The following IPCEF1 variants were observed in gnomAD, a reference collection of about 807,000 sequenced individuals.
IPCEF1 encodes interactor protein for cytohesin exchange factors 1.
In IPCEF1, 31 loss-of-function variants were observed where a neutral mutation model predicts 50.9. That is an observed-to-expected ratio of 0.61 (90% CI 0.46 to 0.82). The LOEUF (loss-of-function observed/expected upper bound fraction) is 0.82, where lower values mean the gene tolerates loss of function less well. Among genes scored for constraint, IPCEF1 ranks in the 40% least tolerant of loss-of-function variants. The pLI, the probability that IPCEF1 is intolerant of heterozygous loss-of-function variation, is 0.00. For missense variants in IPCEF1, 458 were observed against 514.0 expected (o/e 0.89, Z 1.05); for synonymous variants, 181 against 192.0 (o/e 0.94, Z 0.47).
chr6:154,325,326 T>C (rs903778064), intron 1 of IPCEF1, among the ~76,000 whole-genome samples: 5 of 152,208 alleles, frequency 3.3e-5, no homozygotes, highest in Non-Finnish European at 7.3e-5. Context: ...TATATGTACA[T>C]ATCTGTATAT....
At chr6:154,344,845 A>G (rs1274155366) in intron 1 of IPCEF1, among the ~76,000 whole-genome samples, 1 of 151,920 alleles carries the variant, frequency 6.6e-6, no homozygotes, top group Non-Finnish European at 1.5e-5. Context: ...TATTCTCTAC[A>G]CTGTTTACCA....
intron 7 of IPCEF1, among the ~76,000 whole-genome samples, chr6:154,218,370 T>C (rs1295025204): frequency 6.6e-6 from 1 of 152,222 alleles, no homozygotes; most frequent in Non-Finnish European, 1.5e-5. Flanking sequence ...TACTTTTAAA[T>C]TGAGACTCAC....
At chr6:154,208,179 C>T (rs568470006) in intron 9 of IPCEF1, among the ~76,000 whole-genome samples, 68 of 150,860 alleles carry the variant, frequency 4.5e-4, no homozygotes, top group Admixed American at 1.4e-3. Flanking sequence ...ATGCCCTCCA[C>T]GATATGGCTA....
intron 1 of IPCEF1, among the ~76,000 whole-genome samples, chr6:154,302,532 T>C (rs1020420385): frequency 1.3e-5 from 2 of 152,160 alleles, no homozygotes; most frequent in African/African-American, 4.8e-5. Flanking sequence ...TGGAGTGCAG[T>C]GGCATGAGCT....
At chr6:154,215,780 C>G (rs1778346185) in intron 7 of IPCEF1, among the ~76,000 whole-genome samples, 2 of 151,962 alleles carry the variant, frequency 1.3e-5, no homozygotes, top group African/African-American at 4.8e-5. Context: ...AACAGGAACC[C>G]AAAAATGTAT....
At chr6:154,349,183 CTTA>C (rs149749046) in intron 1 of IPCEF1, among the ~76,000 whole-genome samples, 242 of 147,564 alleles carry the variant, frequency 1.6e-3, no homozygotes, top group African/African-American at 5.2e-3. Flanking sequence ...ATTATTTTAT[CTTA>C]TTATTATTAT....
rs188129514 is a variant in IPCEF1, at chr6:154,156,734, A to G, written c.*3094T>C. On this transcript the variant is annotated 3_prime_UTR_variant, in exon 12 of 12. Transcript: ENST00000367220. ...CTGAGATTTGAGCTGTTGTGGCAAAACTAAGAATTCTTTAAAGCAAAAGAC... is the reference window on the plus strand; with the variant it reads ...CTGAGATTTGAGCTGTTGTGGCAAAGCTAAGAATTCTTTAAAGCAAAAGAC... 4 of 152,254 alleles carry G rather than the reference A, an allele frequency of 2.6e-5. No individual in the cohort carries two copies. The highest frequency in any genetic ancestry group is 2.0e-4 in the Admixed American group (3 of 15,286). 9.4% of individuals were successfully genotyped at this position (152,254 alleles called of 1,614,324 possible).
chr6:154,174,725 A>T (rs1277933970), intron 10 of IPCEF1, among the ~76,000 whole-genome samples: 1 of 152,190 alleles, frequency 6.6e-6, no homozygotes, highest in Non-Finnish European at 1.5e-5. Flanking sequence ...TAATAATGGG[A>T]GACTTTAACA....
intron 1 of IPCEF1, among the ~76,000 whole-genome samples, chr6:154,293,834 T>C (rs1032651268): frequency 6.6e-6 from 1 of 152,242 alleles, no homozygotes. Context: ...CTGATGATTG[T>C]GCTTAAATAT....
At position 154,274,907 on chromosome 6, in the gene IPCEF1, C is replaced by T. The variant is rs758826916; in HGVS notation, c.-17-8943G>A. Among the ~76,000 whole-genome samples the T allele has an allele frequency of 2.8e-4, 42 of 152,282 alleles. 1 individual carries two copies. The highest frequency in any genetic ancestry group is 3.9e-4 in the East Asian group (2 of 5,190). ...TTTCTACAGAGTTGGGTTTGTTCTG[C>T]GGTTGTCTTAAGTTCCATGACACCT... is the stretch of plus-strand genomic sequence containing the variant. On this transcript the variant is annotated intron_variant, in intron 2 of 11. Coordinates refer to ENST00000367220, the MANE Select transcript of IPCEF1 (RefSeq NM_001130700.2).
chr6:154,213,861 T>C (rs1407364157), intron 8 of IPCEF1, among the ~76,000 whole-genome samples: 1 of 152,042 alleles, frequency 6.6e-6, no homozygotes, highest in East Asian at 1.9e-4. Context: ...AGGGAGGAAA[T>C]AGTGGGATGA....
chr6:154,201,069 C>T (rs1191828419), intron 9 of IPCEF1, among the ~76,000 whole-genome samples: 1 of 152,170 alleles, frequency 6.6e-6, no homozygotes, highest in Non-Finnish European at 1.5e-5. Context: ...CTCACTCTTT[C>T]TGCTGCCACC....
chr6:154,207,004 T>C (rs1046320697), intron 9 of IPCEF1, among the ~76,000 whole-genome samples: 1 of 152,180 alleles, frequency 6.6e-6, no homozygotes, highest in African/African-American at 2.4e-5. Context: ...TGCAGGTGAA[T>C]CAATGTGATC....
In IPCEF1 at chr6:154,156,201, A is replaced by C. The variant is rs2128543895; in HGVS notation, c.*3627T>G. The C allele has an allele frequency of 6.6e-6, 1 of 152,442 alleles. No individual in the cohort carries two copies. Among genetic ancestry groups the C allele is most frequent in the South Asian group, 2.1e-4 (1 of 4,832 alleles). 9.4% of individuals were successfully genotyped at this position (152,442 alleles called of 1,614,324 possible). A position where few individuals can be genotyped will look rare whatever the true frequency, so the allele number is the denominator to read the frequency against. Reference sequence around the variant, plus strand: ...CCCAATCCATAGACAGCCCGCCAGCAGGTTGAGGCAGGACCACTAGGAGGA... The same window carrying C: ...CCCAATCCATAGACAGCCCGCCAGCCGGTTGAGGCAGGACCACTAGGAGGA... On this transcript the variant is annotated 3_prime_UTR_variant, in exon 12 of 12. Transcript: ENST00000367220.
chr6:154,200,212 G>A (rs1776951172), intron 9 of IPCEF1, among the ~76,000 whole-genome samples, 172 bp from the exon 10 acceptor site: 1 of 152,082 alleles, frequency 6.6e-6, no homozygotes, highest in Non-Finnish European at 1.5e-5. Context: ...CACACATTAG[G>A]ATTTCATTCT....
rs925023144 is a variant in IPCEF1, at chr6:154,186,471, G to A, written c.910+13197C>T. 3.3e-5 allele frequency among the ~76,000 whole-genome samples: 5 copies of A among 152,306 alleles called. No homozygotes were observed. In the East Asian group the frequency reaches 9.6e-4, roughly 29 times the overall value. On this transcript the variant is annotated intron_variant, in intron 10 of 11. Transcript: ENST00000367220. ...ATCCCATCACCTCCACCTGAACACA[G>A]GCAGCAGCCACCTCGCCGCCTATCC...
chr6:154,304,868 C>G (rs892308129), intron 1 of IPCEF1, among the ~76,000 whole-genome samples: 1 of 152,184 alleles, frequency 6.6e-6, no homozygotes, highest in Non-Finnish European at 1.5e-5. Flanking sequence ...AATCCCAGCA[C>G]TTTGGGAGGC....
intron 10 of IPCEF1, among the ~76,000 whole-genome samples, chr6:154,177,224 A>G (rs1235131008): frequency 6.6e-6 from 1 of 152,240 alleles, no homozygotes; most frequent in African/African-American, 2.4e-5. Flanking sequence ...GGACATAGGC[A>G]TGGGCAAAGA....
intron 4 of IPCEF1, chr6:154,247,000 T>TTTC (rs1781105166): frequency 8.5e-6 from 4 of 468,280 alleles, no homozygotes; most frequent in African/African-American, 7.9e-5. Context: ...GCTTAGAAGG[T>TTTC]ATAAGATACG....
Sources: gnomAD v4.1 joint callset for allele counts (sites outside exome capture counted in the v4.1 genomes callset) on GRCh38, gnomAD v4.1.1 for gene constraint, MANE v1.5 for transcripts, NCBI Gene and HGNC (gene_info 2026-07-23, HGNC 2026-07-21) for gene names.